The following PKN2 variants were observed in gnomAD, a reference collection of about 807,000 sequenced individuals.
PKN2 encodes the protein serine/threonine-protein kinase N2.
Under a neutral mutation model 119.1 loss-of-function variants are expected in PKN2, and 38 were observed. The ratio of observed to expected loss-of-function variants is 0.32; its 90% CI spans 0.25 to 0.42. The LOEUF is 0.42. Ranked by LOEUF, PKN2 falls within the 10% of genes least tolerant of loss-of-function variation. The probability of loss-of-function intolerance (pLI) is 1.00; values close to 1 mark genes in which losing one functional copy is unlikely to be tolerated. For synonymous variants in PKN2, 390 were observed against 384.9 expected, an observed-to-expected ratio of 1.01 and a Z score of -0.15; for missense variants, 850 against 1,165.1, an observed-to-expected ratio of 0.73 and a Z score of 3.94.
At chr1:88,759,876 C>A (rs538802806) in intron 2 of PKN2, among the ~76,000 whole-genome samples, 1 of 152,200 alleles carries the variant, frequency 6.6e-6, no homozygotes, top group African/African-American at 2.4e-5. Flanking sequence ...AGCCTACCAA[C>A]CAAAAAAGCC....
chr1:88,757,355 T>C (rs979422755), intron 2 of PKN2, among the ~76,000 whole-genome samples: 4 of 152,178 alleles, frequency 2.6e-5, no homozygotes, highest in Non-Finnish European at 5.9e-5. Context: ...TTAGAAACAG[T>C]GTCTGACTTG....
intron 3 of PKN2, among the ~76,000 whole-genome samples, chr1:88,765,997 G>A (rs1232234656): frequency 6.6e-6 from 1 of 152,116 alleles, no homozygotes; most frequent in African/African-American, 2.4e-5. Context: ...ATTTTTGGTA[G>A]AGGCAGGGTT....
At chr1:88,755,503 A>T (rs889781426) in intron 2 of PKN2, among the ~76,000 whole-genome samples, 4 of 152,180 alleles carry the variant, frequency 2.6e-5, no homozygotes, top group African/African-American at 9.7e-5. Flanking sequence ...AGATTTTTTT[A>T]TTTGTAAAAT....
chr1:88,816,699 C>A (rs1325005836), intron 16 of PKN2: 1 of 152,070 alleles, frequency 6.6e-6, no homozygotes. Flanking sequence ...GTTGGGAAGT[C>A]TAAGCCCTGA....
At chr1:88,754,553 T>C (rs1355396559) in intron 2 of PKN2, among the ~76,000 whole-genome samples, 2 of 152,180 alleles carry the variant, frequency 1.3e-5, no homozygotes, top group African/African-American at 4.8e-5. Context: ...AAGAAAACAA[T>C]CGCATTTTAT....
At chr1:88,821,358 C>G (rs1002591458) in intron 16 of PKN2, among the ~76,000 whole-genome samples, 1 of 152,138 alleles carries the variant, frequency 6.6e-6, no homozygotes, top group Non-Finnish European at 1.5e-5. Flanking sequence ...CGCATTGCTA[C>G]CAGAAAACTT....
chr1:88,697,798 T>C (rs919633049), intron 1 of PKN2, among the ~76,000 whole-genome samples: 17 of 152,252 alleles, frequency 1.1e-4, no homozygotes, highest in Non-Finnish European at 5.9e-5. Flanking sequence ...TACTACATTC[T>C]GTCAGCTGGA....
intron 1 of PKN2, among the ~76,000 whole-genome samples, chr1:88,700,149 C>T (rs1413421150): frequency 1.3e-5 from 2 of 151,918 alleles, no homozygotes; most frequent in Admixed American, 1.3e-4. Context: ...TCTAGTCTGC[C>T]ATTGATGGGC....
chr1:88,726,169 A>G (rs1667890327), intron 1 of PKN2, among the ~76,000 whole-genome samples: 1 of 152,116 alleles, frequency 6.6e-6, no homozygotes, highest in Non-Finnish European at 1.5e-5. Context: ...CCCAGTTTAT[A>G]TGCTTTTTAT....
At chr1:88,728,667 G>A (rs1667997753) in intron 1 of PKN2, among the ~76,000 whole-genome samples, 1 of 152,030 alleles carries the variant, frequency 6.6e-6, no homozygotes, top group African/African-American at 2.4e-5. Flanking sequence ...ACGTTTTACT[G>A]GAATTGAATG....
rs780577542 is a variant in PKN2 at position 88,684,594 on chromosome 1, C to T, written c.14C>T (p.Pro5Leu). ...TACCGGAGCGCAATGGCGTCCAACC[C>T]CGAACGGGGGGAGATTCTGCTCACG... MASNPERGEILLTEL... is the reference protein window; with the variant it reads MASNLERGEILLTEL... The change falls in exon 1 of 22, where the codon CCC becomes CTC. Residue 5 changes from proline to leucine, a missense_variant. Around this residue, in one of 9 missense-constraint regions of PKN2, gnomAD observed 73 missense variants for 61.2 expected, o/e 1.19. Coordinates refer to ENST00000370521, the MANE Select transcript of PKN2 (RefSeq NM_006256.4). The T allele has an allele frequency of 5.8e-6, 9 of 1,561,746 alleles. No individual in the cohort carries two copies. The African/African-American group carries it at 8.3e-5, about 14-fold the overall frequency.
chr1:88,800,585 T>C (rs1025856425), intron 8 of PKN2, among the ~76,000 whole-genome samples: 4 of 152,246 alleles, frequency 2.6e-5, no homozygotes, highest in Admixed American at 2.6e-4. Context: ...GTTCTCACAG[T>C]GTCCCATAGA....
At chr1:88,721,200 A>G (rs900184515) in intron 1 of PKN2, among the ~76,000 whole-genome samples, 5 of 152,122 alleles carry the variant, frequency 3.3e-5, no homozygotes, top group Admixed American at 1.3e-4. Flanking sequence ...GAATCTCCAC[A>G]CTGTTTTCCG....
At position 88,827,306 on chromosome 1, in the gene PKN2, G is replaced by A. The variant is rs575483325; in HGVS notation, c.2420-1175G>A. On this transcript the variant is annotated intron_variant, in intron 18 of 21. Coordinates refer to ENST00000370521, the MANE Select transcript of PKN2 (RefSeq NM_006256.4). The stretch of plus-strand genomic sequence containing the variant: ...ATCCCTTATCCAAAATGCTTAGAAT[G>A]AGAAATGTTTTGAATTTCAGATTTA... Among the ~76,000 whole-genome samples the A allele has an allele frequency of 2.6e-5, 4 of 152,156 alleles. No individual in the cohort carries two copies. The South Asian group carries it at 8.3e-4, about 32-fold the overall frequency.
intron 1 of PKN2, among the ~76,000 whole-genome samples, chr1:88,730,940 A>G (rs1413705641): frequency 6.6e-6 from 1 of 152,278 alleles, no homozygotes; most frequent in Non-Finnish European, 1.5e-5. Flanking sequence ...TCCATAACAC[A>G]ACATTCTAAC....
At chr1:88,814,725 T>A (rs1261630650) in intron 16 of PKN2, among the ~76,000 whole-genome samples, 2 of 152,128 alleles carry the variant, frequency 1.3e-5, no homozygotes, top group Non-Finnish European at 2.9e-5. Context: ...CTCTTTTTCC[T>A]TTAACTTCAA....
chr1:88,733,534 A>T (rs1668227183), intron 1 of PKN2, among the ~76,000 whole-genome samples: 1 of 151,738 alleles, frequency 6.6e-6, no homozygotes, highest in African/African-American at 2.4e-5. Context: ...TGATCAGGTT[A>T]TTTGTTTGTT....
intron 15 of PKN2, among the ~76,000 whole-genome samples, chr1:88,808,801 A>G (rs1038274424): frequency 1.3e-5 from 2 of 152,210 alleles, no homozygotes; most frequent in Non-Finnish European, 2.9e-5. Flanking sequence ...TGTTAATATT[A>G]ATGGTAGACA....
At chr1:88,703,121 A>G (rs1167879097) in intron 1 of PKN2, among the ~76,000 whole-genome samples, 1 of 152,128 alleles carries the variant, frequency 6.6e-6, no homozygotes, top group Non-Finnish European at 1.5e-5. Context: ...AATAAAATGC[A>G]GTAGTTATTT....
Sources: allele counts gnomAD v4.1 joint callset (sites outside exome capture counted in the v4.1 genomes callset), GRCh38; gene constraint gnomAD v4.1.1; regional missense constraint gnomAD v4.1.1; transcripts MANE v1.5; gene names NCBI Gene and HGNC (gene_info 2026-07-23, HGNC 2026-07-21).